LDB2: variants seen among roughly 807,000 people sequenced by gnomAD.
The protein encoded by LDB2 is LIM domain-binding protein 2.
A neutral mutation model predicts 44.3 loss-of-function variants in LDB2; 12 were observed. That is an observed-to-expected ratio of 0.27 (90% confidence interval 0.17 to 0.44). The LOEUF (loss-of-function observed/expected upper bound fraction) is 0.44. Ranked by LOEUF, LDB2 falls within the 20% of genes least tolerant of loss-of-function variation. The probability of loss-of-function intolerance (pLI) is 1.00; values close to 1 mark genes in which losing one functional copy is unlikely to be tolerated. For missense variants in LDB2, 344 were observed against 473.5 expected, an observed-to-expected ratio of 0.73 and a Z score of 2.54; for synonymous variants, 164 against 174.8, an observed-to-expected ratio of 0.94 and a Z score of 0.49.
chr4:16,747,282 T>G (rs73241042), intron 2 of LDB2, among the ~76,000 whole-genome samples: 14,490 of 152,098 alleles, frequency 0.095, 940 homozygotes, highest in East Asian at 0.37. Context: ...GGGCCCATCT[T>G]TTAAAAAAAT....
intron 2 of LDB2, among the ~76,000 whole-genome samples, chr4:16,718,127 T>C (rs899545263): frequency 6.6e-6 from 1 of 152,056 alleles, no homozygotes; most frequent in East Asian, 1.9e-4. Flanking sequence ...AGAGTATTGA[T>C]AGTGTTACAT....
Position 16,595,751 on chromosome 4 carries a change from G to C in LDB2, c.360C>G (p.Cys120Trp). 6.2e-7 allele frequency: 1 copy of C among 1,613,740 alleles called. No individual in the cohort carries two copies. The highest frequency in any genetic ancestry group is 8.5e-7 in the Non-Finnish European group (1 of 1,179,810). The change falls in exon 3 of 8, where the codon TGC (cysteine) becomes TGG (tryptophan). Residue 120 changes from cysteine to tryptophan, a missense_variant. By Grantham distance (215) the Cys-to-Trp change is radical. Around this residue, in one of 3 missense-constraint regions of LDB2, gnomAD observed 226 missense variants for 270.1 expected, o/e 0.84. Transcript: ENST00000304523. ...SYHNSSITVD[C>W]DQCTMVTQHG... is the part of the protein sequence containing the mutation. Reference sequence around the variant, plus strand: ...GCTGGGTGACCATGGTACACTGGTCGCAGTCCACCGTGATGGATGAGTTGT... The same window carrying C: ...GCTGGGTGACCATGGTACACTGGTCCCAGTCCACCGTGATGGATGAGTTGT...
chr4:16,516,098 C>A (rs1287040532), intron 5 of LDB2, among the ~76,000 whole-genome samples: 1 of 151,844 alleles, frequency 6.6e-6, no homozygotes, highest in East Asian at 1.9e-4. Flanking sequence ...ATCTCCTGAC[C>A]TCATGATCTG....
chr4:16,505,971 C>T (rs185600331), intron 7 of LDB2: 9 of 1,551,582 alleles, frequency 5.8e-6, no homozygotes, highest in East Asian at 4.9e-5. Flanking sequence ...AGTTCGGGAT[C>T]GCTCCTAGCC....
chr4:16,623,828 T>C (rs1239497320), intron 2 of LDB2, among the ~76,000 whole-genome samples: 1 of 152,070 alleles, frequency 6.6e-6, no homozygotes, highest in African/African-American at 2.4e-5. Context: ...GTCCCTTAAC[T>C]CTACTGCTAC....
chr4:16,541,964 T>G (rs1323234508), intron 5 of LDB2, among the ~76,000 whole-genome samples: 1 of 152,082 alleles, frequency 6.6e-6, no homozygotes, highest in African/African-American at 2.4e-5. Context: ...ATTTTATGCC[T>G]CCTTCTTTTT....
intron 5 of LDB2, among the ~76,000 whole-genome samples, chr4:16,529,096 T>C (rs774281092): frequency 3.3e-5 from 5 of 152,186 alleles, no homozygotes; most frequent in Non-Finnish European, 7.3e-5. Flanking sequence ...TACCAGGCAC[T>C]GGGCTCAGTG....
At chr4:16,636,542 A>T (rs1203431179) in intron 2 of LDB2, among the ~76,000 whole-genome samples, 1 of 152,210 alleles carries the variant, frequency 6.6e-6, no homozygotes, top group Non-Finnish European at 1.5e-5. Context: ...TAAGATTGTC[A>T]TTTACCTGCA....
chr4:16,854,536 CA>C (rs1275269605), intron 1 of LDB2, among the ~76,000 whole-genome samples: 2 of 144,894 alleles, frequency 1.4e-5, no homozygotes, highest in Non-Finnish European at 3.1e-5. Context: ...CACACACACA[CA>C]GGTGAAATAT....
chr4:16,762,654 C>T (rs1768187531), intron 1 of LDB2, among the ~76,000 whole-genome samples: 1 of 152,102 alleles, frequency 6.6e-6, no homozygotes, highest in South Asian at 2.1e-4. Flanking sequence ...CTTGTCCCTC[C>T]CATGACACAT....
chr4:16,594,694 ATAAG>A (rs1197934826), intron 3 of LDB2, among the ~76,000 whole-genome samples: 1 of 152,262 alleles, frequency 6.6e-6, no homozygotes, highest in African/African-American at 2.4e-5. Flanking sequence ...GCAAAATTGC[ATAAG>A]TAATAAACAC....
At chr4:16,586,482 TGAA>T in intron 4 of LDB2, among the ~76,000 whole-genome samples, 1 of 126,036 alleles carries the variant, frequency 7.9e-6, no homozygotes, top group South Asian at 2.7e-4. Flanking sequence ...GCCACTGTCT[TGAA>T]ATACACACAC....
chr4:16,822,021 G>T (rs1334319586), intron 1 of LDB2, among the ~76,000 whole-genome samples: 1 of 151,778 alleles, frequency 6.6e-6, no homozygotes, highest in Non-Finnish European at 1.5e-5. Flanking sequence ...GAGAGACCTA[G>T]ACTCATATCT....
At chr4:16,564,652 T>C (rs1289387730) in intron 5 of LDB2, among the ~76,000 whole-genome samples, 1 of 152,222 alleles carries the variant, frequency 6.6e-6, no homozygotes, top group Non-Finnish European at 1.5e-5. Flanking sequence ...TTCCATTGCT[T>C]TGGAATATTA....
chr4:16,649,409 G>C (rs1737653777), intron 2 of LDB2, among the ~76,000 whole-genome samples: 1 of 146,884 alleles, frequency 6.8e-6, no homozygotes. Flanking sequence ...GAGAGAGAGA[G>C]AGATGAGAGA....
intron 2 of LDB2, among the ~76,000 whole-genome samples, chr4:16,686,617 CAGA>C (rs1328113372): frequency 6.6e-6 from 1 of 152,176 alleles, no homozygotes; most frequent in Non-Finnish European, 1.5e-5. Context: ...ACTGAGCTGT[CAGA>C]AGATGAATAA....
intron 1 of LDB2, among the ~76,000 whole-genome samples, chr4:16,776,664 C>T (rs157613): frequency 0.88 from 134,376 of 152,232 alleles, 59,725 homozygotes; most frequent in Middle Eastern, 0.98. Flanking sequence ...CTTGAAGACC[C>T]TGTATACTAG....
chr4:16,732,410 T>G, intron 2 of LDB2, among the ~76,000 whole-genome samples: 1 of 152,222 alleles, frequency 6.6e-6, no homozygotes, highest in South Asian at 2.1e-4. Flanking sequence ...TTTGCCACCA[T>G]AGCTTCACTT....
At chr4:16,798,130 C>T (rs1464851186) in intron 1 of LDB2, among the ~76,000 whole-genome samples, 1 of 151,578 alleles carries the variant, frequency 6.6e-6, no homozygotes, top group Non-Finnish European at 1.5e-5. Flanking sequence ...TTAATGATGC[C>T]ACTTAGTTCA....
Sources: gnomAD v4.1 joint callset for allele counts (sites outside exome capture counted in the v4.1 genomes callset) on GRCh38, gnomAD v4.1.1 for gene constraint, gnomAD v4.1.1 regional missense constraint, MANE v1.5 for transcripts, NCBI Gene and HGNC (gene_info 2026-07-23, HGNC 2026-07-21) for gene names.